Variants in PNPLA7 observed in about 807,000 individuals in gnomAD.
PNPLA7 encodes patatin-like phospholipase domain-containing protein 7.
Under a neutral mutation model 161.7 loss-of-function variants are expected in PNPLA7, and 153 were observed. That is an observed-to-expected ratio of 0.95 (90% CI 0.83 to 1.08). PNPLA7 has a LOEUF of 1.08. Among genes scored for constraint, PNPLA7 ranks in the 50% least tolerant of loss-of-function variants. The pLI is 0.00. For missense variants in PNPLA7, 1,739 were observed against 1,856.6 expected (o/e 0.94, Z 1.16); for synonymous variants, 809 against 782.1 (o/e 1.03, Z -0.57).
intron 11 of PNPLA7, among the ~76,000 whole-genome samples, chr9:137,518,164 C>A: frequency 7.9e-6 from 1 of 127,078 alleles, no homozygotes; most frequent in Non-Finnish European, 1.7e-5. Context: ...CACGCACTCA[C>A]TCCACTCTGT....
chr9:137,546,255 C>T (rs538876872), intron 4 of PNPLA7, among the ~76,000 whole-genome samples: 20 of 152,232 alleles, frequency 1.3e-4, no homozygotes, highest in South Asian at 2.1e-4. Context: ...CAAGCAGACA[C>T]GTGAACCACG....
At chr9:137,495,245 G>T in intron 18 of PNPLA7, 99 bp from the exon 19 acceptor site, 1 of 780,444 alleles carries the variant, frequency 1.3e-6, no homozygotes, top group South Asian at 1.7e-5. Flanking sequence ...AGCCACACAT[G>T]ACACCCCATC....
chr9:137,509,590 G>A (rs1834107846), intron 12 of PNPLA7: 2 of 347,672 alleles, frequency 5.8e-6, no homozygotes, highest in Admixed American at 6.0e-5. Context: ...AGTGAGTTTA[G>A]CTGGTACAAA....
At chr9:137,527,797 C>T (rs1835376268) in intron 8 of PNPLA7, among the ~76,000 whole-genome samples, 1 of 152,208 alleles carries the variant, frequency 6.6e-6, no homozygotes, top group South Asian at 2.1e-4. Flanking sequence ...TTCTACTTTT[C>T]CGGAGAAGTT....
At position 137,521,720 on chromosome 9, in the gene PNPLA7, C is replaced by G; in HGVS notation, c.877-4G>C. ...TCTGCAGCCGCACCATGATGATCTG[C>G]AAGAACACGCCAGCTGCGCGGTGAC... On this transcript the variant is annotated splice_region_variant and splice_polypyrimidine_tract_variant and intron_variant, in intron 9 of 34. Coordinates refer to ENST00000406427, the MANE Select transcript of PNPLA7 (RefSeq NM_001098537.3). 6.2e-7 allele frequency: 1 copy of G among 1,609,270 alleles called. No homozygotes were observed. Among genetic ancestry groups the G allele is most frequent in the South Asian group, 1.1e-5 (1 of 90,940 alleles).
chr9:137,481,545 C>T (rs564194135), intron 21 of PNPLA7, among the ~76,000 whole-genome samples: 1 of 152,314 alleles, frequency 6.6e-6, no homozygotes, highest in East Asian at 1.9e-4. Context: ...ATCACAGCCA[C>T]CAGAGGCTCA....
chr9:137,531,827 G>A (rs886896538), intron 8 of PNPLA7, among the ~76,000 whole-genome samples: 16 of 152,206 alleles, frequency 1.1e-4, no homozygotes, highest in African/African-American at 3.4e-4. Flanking sequence ...GAGAGCACAC[G>A]TGGGTAATGT....
At chr9:137,492,871 G>C in intron 20 of PNPLA7, 142 bp downstream of exon 20, 1 of 702,678 alleles carries the variant, frequency 1.4e-6, no homozygotes, top group Non-Finnish European at 2.4e-6. Flanking sequence ...TCATGACAGG[G>C]AAGGGCCATG....
At position 137,463,404 on chromosome 9, in the gene PNPLA7, C is replaced by T. The variant is rs774066163; in HGVS notation, c.3343+11G>A. ...GTGCTCCTGCCGGGCGTGGTCCCCC[C>T]ACCGCAGTACCTGGGAGGTTGTTGA... is the stretch of plus-strand genomic sequence containing the variant. On this transcript the variant is annotated intron_variant, in intron 29 of 34. Coordinates refer to ENST00000406427, the MANE Select transcript of PNPLA7 (RefSeq NM_001098537.3). 3.5e-5 allele frequency: 56 copies of T among 1,595,926 alleles called. No homozygotes were observed. Among genetic ancestry groups the T allele is most frequent in the Non-Finnish European group, 4.4e-5 (52 of 1,170,332 alleles).
rs976300919 is a variant in PNPLA7, at chr9:137,523,999, T to G, written c.748-1142A>C. Among the ~76,000 whole-genome samples, 2 of 152,238 alleles carry G rather than the reference T, an allele frequency of 1.3e-5. No homozygotes were observed. Among genetic ancestry groups the G allele is most frequent in the Non-Finnish European group, 2.9e-5 (2 of 68,042 alleles). On this transcript the variant is annotated intron_variant, in intron 8 of 34. Transcript: ENST00000406427. This position sits in a 1 kb window ranked among gnomAD's most constrained non-coding sequence, Gnocchi z 4.4. ...TGTTTACATCACGCCGTCACCTGCATGCAGAGGCAGATTCACCCTTTTTGG... is the reference window on the plus strand; with the variant it reads ...TGTTTACATCACGCCGTCACCTGCAGGCAGAGGCAGATTCACCCTTTTTGG...
intron 17 of PNPLA7, 46 bp from the exon 18 acceptor site, chr9:137,497,356 GCCT>G: frequency 6.9e-7 from 1 of 1,450,720 alleles, no homozygotes. Context: ...CCCAGCCTCA[GCCT>G]CCACACCCAG....
At chr9:137,535,821 T>C (rs1049227857) in intron 8 of PNPLA7, among the ~76,000 whole-genome samples, 2 of 149,052 alleles carry the variant, frequency 1.3e-5, no homozygotes, top group African/African-American at 4.9e-5. Flanking sequence ...AAAAATTCAA[T>C]GGAAGATTTG....
chr9:137,496,198 C>T lies in PNPLA7; in HGVS notation c.2013+989G>A, dbSNP rs1226749648. On this transcript the variant is annotated intron_variant, in intron 18 of 34. Coordinates refer to ENST00000406427, the MANE Select transcript of PNPLA7 (RefSeq NM_001098537.3). The stretch of plus-strand genomic sequence containing the variant: ...TACTGCACAGGCTGGAGTGCCGCCT[C>T]CCAGGTTCAAGCGATTCTCCTGCCT... Among the ~76,000 whole-genome samples the T allele has an allele frequency of 2.0e-5, 3 of 151,278 alleles. No individual in the cohort carries two copies. In the East Asian group the frequency reaches 5.9e-4, roughly 30 times the overall value.
At chr9:137,503,067 T>C (rs145491757) in intron 14 of PNPLA7, among the ~76,000 whole-genome samples, 13 of 152,052 alleles carry the variant, frequency 8.5e-5, no homozygotes, top group Non-Finnish European at 1.9e-4. Flanking sequence ...GAATTTCCCA[T>C]AATTAAAAAG....
chr9:137,544,794 C>CT (rs1836400240), intron 4 of PNPLA7, among the ~76,000 whole-genome samples: 1 of 151,940 alleles, frequency 6.6e-6, no homozygotes, highest in Non-Finnish European at 1.5e-5. Flanking sequence ...GGATTACAGG[C>CT]GCCCGCCACA....
chr9:137,505,274 A>C (rs1311483021), intron 14 of PNPLA7, among the ~76,000 whole-genome samples: 1 of 152,078 alleles, frequency 6.6e-6, no homozygotes, highest in East Asian at 1.9e-4. Context: ...AAAAAGTAAT[A>C]AAAATAAATT....
chr9:137,500,685 A>ACTCACTCATAGAAGTGGGC lies in PNPLA7; in HGVS notation c.1744_1757+5dup. ...CCGCCCTGAGGTCCTGGCCCGTGGG[A>ACTCACTCATAGAAGTGGGC]CTCACTCATAGAAGTGGGCCTTGGA... On this transcript the variant is annotated splice_donor_region_variant and intron_variant, in intron 16 of 34. Transcript: ENST00000406427. The surrounding 1 kb of genome is among the most constrained non-coding windows in gnomAD (Gnocchi z 5.5). 1 of 1,611,728 alleles carries ACTCACTCATAGAAGTGGGC rather than the reference A, an allele frequency of 6.2e-7. No individual in the cohort carries two copies. The highest frequency in any genetic ancestry group is 2.2e-5 in the East Asian group (1 of 44,830).
At chr9:137,496,797 A>T (rs939910411) in intron 18 of PNPLA7, among the ~76,000 whole-genome samples, 2 of 152,088 alleles carry the variant, frequency 1.3e-5, no homozygotes, top group Non-Finnish European at 2.9e-5. Flanking sequence ...GCAGCCCCCC[A>T]CTCGCTCAGG....
At chr9:137,509,853 T>C (rs1473622020) in intron 12 of PNPLA7, 2 of 397,546 alleles carry the variant, frequency 5.0e-6, no homozygotes, top group Non-Finnish European at 1.0e-5. Context: ...AGAATAGTTA[T>C]ACCAGATATA....
Sources: gnomAD v4.1 joint callset for allele counts (sites outside exome capture counted in the v4.1 genomes callset) on GRCh38, gnomAD v4.1.1 for gene constraint, Gnocchi (gnomAD v3.1) non-coding constraint, MANE v1.5 for transcripts, NCBI Gene and HGNC (gene_info 2026-07-23, HGNC 2026-07-21) for gene names.